The following SDK1 variants were observed in gnomAD, a reference collection of about 807,000 sequenced individuals.
SDK1 encodes sidekick cell adhesion molecule 1.
SDK1 carries 157 observed loss-of-function variants against 245.5 expected under a neutral mutation model. The observed-to-expected ratio is 0.64, with a 90% CI of 0.56 to 0.73. The LOEUF (loss-of-function observed/expected upper bound fraction) is 0.73. Ranked by LOEUF, SDK1 falls within the 30% of genes least tolerant of loss-of-function variation. SDK1 has a pLI of 0.00. For synonymous variants in SDK1, 1,647 were observed against 1,278.5 expected, an observed-to-expected ratio of 1.29 and a Z score of -6.15; for missense variants, 3,583 against 3,002.3, an observed-to-expected ratio of 1.19 and a Z score of -4.52.
chr7:3,428,649 T>A (rs905125684), intron 1 of SDK1, among the ~76,000 whole-genome samples: 2 of 152,224 alleles, frequency 1.3e-5, no homozygotes, highest in Non-Finnish European at 2.9e-5. Flanking sequence ...GTGCTTAGCT[T>A]GGGCTAACCA....
intron 4 of SDK1, among the ~76,000 whole-genome samples, chr7:3,765,393 T>C (rs1388325466): frequency 1.3e-5 from 2 of 152,226 alleles, no homozygotes; most frequent in Non-Finnish European, 2.9e-5. Context: ...GTGACTGTTA[T>C]TCTCCATCTA....
At chr7:3,541,574 C>T (rs1436532110) in intron 1 of SDK1, among the ~76,000 whole-genome samples, 1 of 152,144 alleles carries the variant, frequency 6.6e-6, no homozygotes, top group African/African-American at 2.4e-5. Flanking sequence ...ACCACTGTAC[C>T]CATGAAACTT....
chr7:3,479,421 CAAAAAAA>C (rs56094646), intron 1 of SDK1, among the ~76,000 whole-genome samples: 5 of 66,572 alleles, frequency 7.5e-5, no homozygotes, highest in Non-Finnish European at 1.3e-4. Flanking sequence ...GACTGTGTCT[CAAAAAAA>C]AAAAAAAAAA....
intron 5 of SDK1, among the ~76,000 whole-genome samples, chr7:3,880,688 AAC>A (rs1781187423): frequency 6.6e-6 from 1 of 151,920 alleles, no homozygotes. Flanking sequence ...TTTTCCCAAA[AAC>A]ACATTCCCCA....
In SDK1 at chr7:3,987,324, T is replaced by C. The variant is rs1162246152; in HGVS notation, c.2131+2T>C. 6.2e-7 allele frequency: 1 copy of C among 1,613,460 alleles called. No individual in the cohort carries two copies. The highest frequency in any genetic ancestry group is 1.3e-5 in the African/African-American group (1 of 74,866). On this transcript the variant is annotated splice_donor_variant, in intron 14 of 44. Transcript: ENST00000404826. LOFTEE classifies it high-confidence loss of function. ...ACATCGTGGAGCTCTCTGAAAACAG[T>C]AAGTAGCAAAATGAAACTGTCACCA... is the stretch of plus-strand genomic sequence containing the variant.
Position 4,267,949 on chromosome 7 carries a change from G to C in SDK1, c.*2565G>C. 2 of 985,494 alleles carry C rather than the reference G, an allele frequency of 2.0e-6. No individual in the cohort carries two copies. The highest frequency in any genetic ancestry group is 2.4e-6 in the Non-Finnish European group (2 of 829,974). 61.0% of individuals were successfully genotyped at this position (985,494 alleles called of 1,614,324 possible). A position where few individuals can be genotyped will look rare whatever the true frequency, so the allele number is the denominator to read the frequency against. ...TCCAGGTAGATTTTGGCCTCCCAGA[G>C]CAATGCGGCATTTGAGAAGCAACAG... On this transcript the variant is annotated 3_prime_UTR_variant, in exon 45 of 45. Coordinates refer to ENST00000404826, the MANE Select transcript of SDK1 (RefSeq NM_152744.4).
chr7:3,556,101 G>C (rs1779578771), intron 1 of SDK1, among the ~76,000 whole-genome samples: 1 of 152,206 alleles, frequency 6.6e-6, no homozygotes. Context: ...GTATACCGAA[G>C]AGGTATCTGT....
At chr7:4,230,037 C>A (rs910242788) in intron 40 of SDK1, among the ~76,000 whole-genome samples, 1 of 43,574 alleles carries the variant, frequency 2.3e-5, no homozygotes, top group African/African-American at 9.6e-5. Flanking sequence ...GGAGGGGGAC[C>A]CAGAAGGAAG....
intron 1 of SDK1, among the ~76,000 whole-genome samples, chr7:3,531,135 C>A (rs893213942): frequency 6.6e-6 from 1 of 152,106 alleles, no homozygotes; most frequent in Non-Finnish European, 1.5e-5. Context: ...TGGACATGTT[C>A]CTGATTGTCA....
At chr7:4,075,464 T>C (rs923003450) in intron 20 of SDK1, among the ~76,000 whole-genome samples, 23 of 152,308 alleles carry the variant, frequency 1.5e-4, no homozygotes, top group African/African-American at 5.5e-4. Flanking sequence ...CTAGCGCTTC[T>C]ATATCCCTGA....
chr7:3,927,052 A>G (rs914746125), intron 5 of SDK1, among the ~76,000 whole-genome samples: 2 of 152,146 alleles, frequency 1.3e-5, no homozygotes, highest in African/African-American at 4.8e-5. Flanking sequence ...ACTGTCCACC[A>G]GTGGGGTTCC....
At chr7:3,465,962 T>TG (rs746470425) in intron 1 of SDK1, among the ~76,000 whole-genome samples, 2 of 152,106 alleles carry the variant, frequency 1.3e-5, no homozygotes, top group Admixed American at 1.3e-4. Context: ...CCATCACTCT[T>TG]TTTGTTTGTT....
At chr7:4,111,540 C>T (rs1307639164) in intron 23 of SDK1, among the ~76,000 whole-genome samples, 1 of 149,300 alleles carries the variant, frequency 6.7e-6, no homozygotes, top group East Asian at 2.0e-4. Context: ...AAAAAAAAAA[C>T]AATGAGAGAT....
chr7:3,618,652 A>G (rs1156901714), intron 1 of SDK1, among the ~76,000 whole-genome samples: 1 of 152,208 alleles, frequency 6.6e-6, no homozygotes, highest in East Asian at 1.9e-4. Flanking sequence ...ATGTATGTCA[A>G]TCTTGCTTAT....
rs556805864 is a variant in SDK1, at chr7:3,321,827, T to C, written c.298+19943T>C. Among the ~76,000 whole-genome samples the C allele has an allele frequency of 1.1e-3, 143 of 126,338 alleles. 3 individuals are homozygous for C. The highest frequency in any genetic ancestry group is 4.7e-4 in the East Asian group (2 of 4,256). The allele number at this position is 126,338 out of a possible 152,430, so 82.9% of individuals were successfully genotyped here. A position where few individuals can be genotyped will look rare whatever the true frequency, so the allele number is the denominator to read the frequency against. ...TTCCTTCCTTCCTTCCTTCCTTCCT[T>C]CCTCCTTTTCTCTCTCTCTCTCTCT... On this transcript the variant is annotated intron_variant, in intron 1 of 44. Transcript: ENST00000404826.
At chr7:3,969,625 G>C (rs552237485) in intron 11 of SDK1, among the ~76,000 whole-genome samples, 7 of 152,332 alleles carry the variant, frequency 4.6e-5, no homozygotes, top group African/African-American at 1.7e-4. Context: ...AATGTATTCA[G>C]AGATTTAATA....
chr7:3,661,316 G>C (rs1283628983), intron 4 of SDK1, among the ~76,000 whole-genome samples: 4 of 152,188 alleles, frequency 2.6e-5, no homozygotes, highest in African/African-American at 9.7e-5. Flanking sequence ...TTAAATTTTA[G>C]TTAAATGTAA....
chr7:3,306,135 A>C (rs1279058576), intron 1 of SDK1, among the ~76,000 whole-genome samples: 1 of 152,200 alleles, frequency 6.6e-6, no homozygotes, highest in Non-Finnish European at 1.5e-5. Context: ...ACGGTGGTTG[A>C]TATTTTCTAA....
intron 5 of SDK1, among the ~76,000 whole-genome samples, chr7:3,946,593 A>T (rs543728148): frequency 6.6e-6 from 1 of 152,302 alleles, no homozygotes; most frequent in African/African-American, 2.4e-5. Flanking sequence ...CTGGGATTAC[A>T]GATGTAAGCC....
Sources: allele counts gnomAD v4.1 joint callset (sites outside exome capture counted in the v4.1 genomes callset), GRCh38; gene constraint gnomAD v4.1.1; transcripts MANE v1.5; gene names NCBI Gene and HGNC (gene_info 2026-07-23, HGNC 2026-07-21).